ZNF804A: variants seen among roughly 807,000 people sequenced by gnomAD.
ZNF804A encodes zinc finger protein 804A.
A neutral mutation model predicts 16.5 loss-of-function variants in ZNF804A; 2 were observed. The observed-to-expected ratio is 0.12, with a 90% CI of 0.05 to 0.38. ZNF804A has a LOEUF of 0.38. Ranked by LOEUF, ZNF804A falls within the 10% of genes least tolerant of loss-of-function variation. ZNF804A has a pLI of 0.99. For synonymous variants in ZNF804A, 534 were observed against 489.6 expected (o/e 1.09, Z -1.20); for missense variants, 1,473 against 1,390.7 (o/e 1.06, Z -0.94).
chr2:184,602,027 A>G (rs1300328914), intron 1 of ZNF804A, among the ~76,000 whole-genome samples: 2 of 151,974 alleles, frequency 1.3e-5, no homozygotes, highest in East Asian at 3.8e-4. Context: ...CCAGTGATTA[A>G]TTGCTTTAAT....
At chr2:184,928,254 C>T (rs1004464682) in intron 2 of ZNF804A, among the ~76,000 whole-genome samples, 1 of 152,102 alleles carries the variant, frequency 6.6e-6, no homozygotes, top group Non-Finnish European at 1.5e-5. Flanking sequence ...TCTAGCCCAG[C>T]GTGTGTTTAG....
intron 1 of ZNF804A, among the ~76,000 whole-genome samples, chr2:184,733,909 T>G (rs1282160324): frequency 6.6e-6 from 1 of 152,136 alleles, no homozygotes; most frequent in Non-Finnish European, 1.5e-5. Flanking sequence ...ACTTTTTTTT[T>G]TCTCAGTTAG....
intron 1 of ZNF804A, among the ~76,000 whole-genome samples, chr2:184,612,530 C>T (rs1380620557): frequency 6.6e-6 from 1 of 151,750 alleles, no homozygotes; most frequent in Non-Finnish European, 1.5e-5. Context: ...CCTCCGCCTC[C>T]CAGGTTCCAG....
At position 184,848,019 on chromosome 2, in the gene ZNF804A, A is replaced by C. The variant is rs190209691; in HGVS notation, c.112-18350A>C. Among the ~76,000 whole-genome samples, 325 of 152,018 alleles carry C rather than the reference A, an allele frequency of 2.1e-3. 2 individuals carry two copies. The highest frequency in any genetic ancestry group is 6.9e-3 in the African/African-American group (288 of 41,496). ...CCATAGTTTAGGGATTTTTTAATGG[A>C]GGTTTCAATGTGTGGACATTAATTA... is the stretch of plus-strand genomic sequence containing the variant. On this transcript the variant is annotated intron_variant, in intron 1 of 3. Transcript: ENST00000302277.
intron 2 of ZNF804A, among the ~76,000 whole-genome samples, chr2:184,910,421 G>A (rs184888189): frequency 8.5e-5 from 13 of 152,108 alleles, no homozygotes; most frequent in African/African-American, 2.4e-4. Context: ...TGTGAATAGT[G>A]CTGCAATGAC....
chr2:184,615,478 CAATT>C (rs1691304605), intron 1 of ZNF804A, among the ~76,000 whole-genome samples: 1 of 152,100 alleles, frequency 6.6e-6, no homozygotes, highest in Non-Finnish European at 1.5e-5. Context: ...TTAACTCTCA[CAATT>C]AATTTGGATG....
chr2:184,896,341 A>G (rs1685069169), intron 2 of ZNF804A, among the ~76,000 whole-genome samples: 1 of 152,168 alleles, frequency 6.6e-6, no homozygotes, highest in East Asian at 1.9e-4. Context: ...AGAGCCACTC[A>G]TGTCATGAAG....
intron 1 of ZNF804A, among the ~76,000 whole-genome samples, chr2:184,857,459 G>A (rs1389831190): frequency 6.6e-6 from 1 of 152,038 alleles, no homozygotes; most frequent in Non-Finnish European, 1.5e-5. Context: ...TGTTACTGTG[G>A]AATATAATAC....
At chr2:184,772,115 CATAAAT>C (rs1019448414) in intron 1 of ZNF804A, among the ~76,000 whole-genome samples, 1 of 151,794 alleles carries the variant, frequency 6.6e-6, no homozygotes, top group Non-Finnish European at 1.5e-5. Context: ...TTTCTATAAA[CATAAAT>C]ATAAGATACT....
intron 2 of ZNF804A, among the ~76,000 whole-genome samples, chr2:184,879,952 G>A (rs1179575547): frequency 2.6e-5 from 4 of 152,020 alleles, no homozygotes; most frequent in Non-Finnish European, 5.9e-5. Flanking sequence ...TTTGGTTTAA[G>A]CGATTTTTCA....
At chr2:184,827,533 A>G (rs1169081172) in intron 1 of ZNF804A, among the ~76,000 whole-genome samples, 1 of 148,750 alleles carries the variant, frequency 6.7e-6, no homozygotes, top group Non-Finnish European at 1.5e-5. Context: ...CAATTATAAT[A>G]TGTAGTAGTA....
chr2:184,682,119 C>T (rs1441513929), intron 1 of ZNF804A, among the ~76,000 whole-genome samples: 1 of 152,196 alleles, frequency 6.6e-6, no homozygotes, highest in Non-Finnish European at 1.5e-5. Context: ...GCAGTCAGCT[C>T]ATGGCATGAA....
At chr2:184,641,274 T>C (rs1463227760) in intron 1 of ZNF804A, among the ~76,000 whole-genome samples, 2 of 152,170 alleles carry the variant, frequency 1.3e-5, no homozygotes, top group Non-Finnish European at 2.9e-5. Context: ...TTGTACAAAT[T>C]GCTAATATAA....
chr2:184,685,150 G>A (rs893162562), intron 1 of ZNF804A, among the ~76,000 whole-genome samples: 5 of 152,114 alleles, frequency 3.3e-5, no homozygotes, highest in African/African-American at 9.7e-5. Flanking sequence ...TGCTATGTGG[G>A]GGCAGGCAGC....
intron 1 of ZNF804A, among the ~76,000 whole-genome samples, chr2:184,601,894 T>A (rs907819531): frequency 5.9e-5 from 9 of 152,040 alleles, no homozygotes; most frequent in Admixed American, 5.9e-4. Flanking sequence ...ATTTAGAAAA[T>A]AATTTTATAA....
At chr2:184,716,868 A>G (rs1693223140) in intron 1 of ZNF804A, among the ~76,000 whole-genome samples, 1 of 152,176 alleles carries the variant, frequency 6.6e-6, no homozygotes, top group South Asian at 2.1e-4. Context: ...AGAGAAGAAA[A>G]TAATTTTTTG....
intron 1 of ZNF804A, among the ~76,000 whole-genome samples, chr2:184,678,163 A>T (rs1362655257): frequency 6.6e-6 from 1 of 152,050 alleles, no homozygotes; most frequent in African/African-American, 2.4e-5. Context: ...GTATTTTATA[A>T]CTTTCGAGAG....
At chr2:184,722,153 A>G (rs1693328109) in intron 1 of ZNF804A, among the ~76,000 whole-genome samples, 1 of 152,034 alleles carries the variant, frequency 6.6e-6, no homozygotes, top group African/African-American at 2.4e-5. Flanking sequence ...AAAAAAGCTT[A>G]TGTAAAAATA....
At chr2:184,645,853 C>T (rs546488661) in intron 1 of ZNF804A, among the ~76,000 whole-genome samples, 30 of 152,240 alleles carry the variant, frequency 2.0e-4, no homozygotes, top group African/African-American at 7.2e-4. Flanking sequence ...AAATAGTTCC[C>T]ATAAAGATGT....
Sources: gnomAD v4.1 joint callset for allele counts (sites outside exome capture counted in the v4.1 genomes callset) on GRCh38, gnomAD v4.1.1 for gene constraint, MANE v1.5 for transcripts, NCBI Gene and HGNC (gene_info 2026-07-23, HGNC 2026-07-21) for gene names.